SORCS3: variants seen among roughly 807,000 people sequenced by gnomAD.
The protein encoded by SORCS3 is sortilin related VPS10 domain containing receptor 3.
Under a neutral mutation model 146.3 loss-of-function variants are expected in SORCS3, and 57 were observed. The ratio of observed to expected loss-of-function variants is 0.39; its 90% CI spans 0.31 to 0.49. The LOEUF (loss-of-function observed/expected upper bound fraction) is 0.49. SORCS3 is among the 20% of genes least tolerant of loss of function. SORCS3 has a pLI of 0.92. For synonymous variants in SORCS3, 653 were observed against 618.5 expected (o/e 1.06, Z -0.83); for missense variants, 1,341 against 1,575.5 (o/e 0.85, Z 2.52).
At chr10:104,699,143 G>T (rs1414660605) in intron 1 of SORCS3, among the ~76,000 whole-genome samples, 2 of 152,106 alleles carry the variant, frequency 1.3e-5, no homozygotes, top group South Asian at 2.1e-4. Flanking sequence ...AGTCCCAAGG[G>T]TTTAGGTATA....
intron 16 of SORCS3, among the ~76,000 whole-genome samples, chr10:105,209,357 G>C (rs888514168): frequency 1.3e-5 from 2 of 152,012 alleles, no homozygotes; most frequent in Non-Finnish European, 2.9e-5. Context: ...TGGCCAGGCT[G>C]GTCTCAAACT....
chr10:104,820,974 A>C (rs1014299001), intron 1 of SORCS3, among the ~76,000 whole-genome samples: 3 of 152,204 alleles, frequency 2.0e-5, no homozygotes, highest in African/African-American at 7.2e-5. Context: ...TTGAAACAGA[A>C]GAAAGATTGA....
At chr10:104,899,969 T>C (rs1329262228) in intron 2 of SORCS3, among the ~76,000 whole-genome samples, 1 of 152,078 alleles carries the variant, frequency 6.6e-6, no homozygotes, top group Non-Finnish European at 1.5e-5. Context: ...GTGGGACATG[T>C]ATGTGGTGAG....
chr10:104,887,981 G>T (rs1366747212), intron 2 of SORCS3, among the ~76,000 whole-genome samples: 1 of 149,748 alleles, frequency 6.7e-6, no homozygotes, highest in Admixed American at 6.6e-5. Context: ...GGCGGAGCAA[G>T]CCCATGAAGA....
chr10:105,207,889 T>C (rs1306689281), intron 16 of SORCS3, among the ~76,000 whole-genome samples: 1 of 152,144 alleles, frequency 6.6e-6, no homozygotes, highest in Non-Finnish European at 1.5e-5. Context: ...ATTCTTAAAA[T>C]TGCTTGAGAG....
intron 7 of SORCS3, among the ~76,000 whole-genome samples, chr10:105,121,394 G>C (rs1047671527): frequency 6.6e-6 from 1 of 152,094 alleles, no homozygotes; most frequent in African/African-American, 2.4e-5. Flanking sequence ...TGAAATATAG[G>C]TAATCACCCA....
At chr10:104,947,096 C>G (rs570357162) in intron 3 of SORCS3, among the ~76,000 whole-genome samples, 1 of 152,246 alleles carries the variant, frequency 6.6e-6, no homozygotes, top group African/African-American at 2.4e-5. Flanking sequence ...TTGTACAAAT[C>G]CGCACCGATA....
intron 4 of SORCS3, among the ~76,000 whole-genome samples, chr10:104,991,614 G>A (rs1209871773): frequency 1.3e-5 from 2 of 150,846 alleles, no homozygotes; most frequent in East Asian, 2.0e-4. Context: ...CAATTATTCT[G>A]CCTCAGCCTC....
chr10:105,045,940 A>G (rs2055369066), intron 5 of SORCS3, among the ~76,000 whole-genome samples: 1 of 152,150 alleles, frequency 6.6e-6, no homozygotes, highest in Non-Finnish European at 1.5e-5. Context: ...TGGGCATGTG[A>G]TAACAACTGA....
intron 2 of SORCS3, among the ~76,000 whole-genome samples, chr10:104,877,012 TA>T (rs2018582929): frequency 6.6e-6 from 1 of 151,992 alleles, no homozygotes; most frequent in African/African-American, 2.4e-5. Flanking sequence ...CTAAGATTTA[TA>T]TTTATTTTTT....
chr10:105,247,398 A>G (rs1431216008), intron 22 of SORCS3, 67 bp downstream of exon 22: 3 of 834,392 alleles, frequency 3.6e-6, no homozygotes, highest in Admixed American at 4.1e-5. Context: ...TGTGGTCCAC[A>G]ATACATTGGC....
chr10:105,083,416 A>C (rs1405281754), intron 5 of SORCS3, among the ~76,000 whole-genome samples: 1 of 152,118 alleles, frequency 6.6e-6, no homozygotes, highest in Non-Finnish European at 1.5e-5. Context: ...ATTTGGTCCT[A>C]GAAATGTGAA....
At chr10:105,180,038 A>G (rs931785186) in intron 14 of SORCS3, among the ~76,000 whole-genome samples, 16 of 152,198 alleles carry the variant, frequency 1.1e-4, no homozygotes, top group African/African-American at 3.6e-4. Flanking sequence ...ATTGATTTGG[A>G]GAATTTATAT....
chr10:104,657,754 C>A (rs920585853), intron 1 of SORCS3, among the ~76,000 whole-genome samples: 1 of 152,118 alleles, frequency 6.6e-6, no homozygotes, highest in South Asian at 2.1e-4. Context: ...GAGTTGAAAT[C>A]AATTTTAGCT....
intron 5 of SORCS3, among the ~76,000 whole-genome samples, chr10:105,044,770 G>A (rs1490025560): frequency 6.6e-6 from 1 of 151,694 alleles, no homozygotes; most frequent in Non-Finnish European, 1.5e-5. Flanking sequence ...GGAGTTGGCA[G>A]TATTGCTCTT....
At chr10:104,978,976 T>C (rs1477564620) in intron 4 of SORCS3, among the ~76,000 whole-genome samples, 2 of 152,162 alleles carry the variant, frequency 1.3e-5, no homozygotes, top group East Asian at 1.9e-4. Flanking sequence ...TGCCCCTTGC[T>C]CCCTTCCCTG....
At chr10:104,800,282 A>G (rs1360014509) in intron 1 of SORCS3, among the ~76,000 whole-genome samples, 1 of 152,190 alleles carries the variant, frequency 6.6e-6, no homozygotes, top group Non-Finnish European at 1.5e-5. Context: ...GGAAAAGGCA[A>G]AACTTTGGAG....
At chr10:105,177,871 T>A (rs997813541) in intron 13 of SORCS3, among the ~76,000 whole-genome samples, 195 bp from the exon 14 acceptor site, 36 of 152,132 alleles carry the variant, frequency 2.4e-4, no homozygotes, top group African/African-American at 8.4e-4. Flanking sequence ...AGGTGCTGTC[T>A]CCGCCCAAGT....
chr10:105,152,037 C>T (rs2056171279), intron 9 of SORCS3, among the ~76,000 whole-genome samples: 5 of 152,130 alleles, frequency 3.3e-5, no homozygotes. Flanking sequence ...TCTTCACATC[C>T]CCAGCTATAA....
Sources: allele counts gnomAD v4.1 joint callset (sites outside exome capture counted in the v4.1 genomes callset), GRCh38; gene constraint gnomAD v4.1.1; transcripts MANE v1.5; gene names NCBI Gene and HGNC (gene_info 2026-07-23, HGNC 2026-07-21).